Variants in RANBP9 observed in about 807,000 individuals in gnomAD.
The protein encoded by RANBP9 is RAN binding protein 9.
A neutral mutation model predicts 84.3 loss-of-function variants in RANBP9; 15 were observed. The observed-to-expected ratio is 0.18, with a 90% CI of 0.12 to 0.27. RANBP9 has a LOEUF of 0.27. Among genes scored for constraint, RANBP9 ranks in the 10% least tolerant of loss-of-function variants. The pLI, the probability that RANBP9 is intolerant of heterozygous loss-of-function variation, is 1.00. For synonymous variants in RANBP9, 392 were observed against 349.6 expected, an observed-to-expected ratio of 1.12 and a Z score of -1.35; for missense variants, 809 against 912.8, an observed-to-expected ratio of 0.89 and a Z score of 1.46.
chr6:13,688,142 T>C (rs929315188), intron 2 of RANBP9, among the ~76,000 whole-genome samples: 2 of 152,228 alleles, frequency 1.3e-5, no homozygotes, highest in African/African-American at 2.4e-5. Flanking sequence ...CACTATTATT[T>C]CCTTTTCACA....
chr6:13,641,151 A>G (rs1403480592), intron 8 of RANBP9, 48 bp downstream of exon 8: 1 of 1,134,028 alleles, frequency 8.8e-7, no homozygotes, highest in East Asian at 2.9e-5. Flanking sequence ...TAACTTGACA[A>G]ATATTTATAA....
chr6:13,628,012 C>CA (rs760019628), intron 12 of RANBP9, among the ~76,000 whole-genome samples: 26 of 152,264 alleles, frequency 1.7e-4, no homozygotes, highest in African/African-American at 6.3e-4. Flanking sequence ...TTTAAAAACT[C>CA]AGAGAAAAAG....
At chr6:13,697,023 T>C (rs1380568455) in intron 1 of RANBP9, 127 bp from the exon 2 acceptor site, 1 of 662,322 alleles carries the variant, frequency 1.5e-6, no homozygotes, top group African/African-American at 1.8e-5. Context: ...TCAGTTCAAA[T>C]ACTCAATAAA....
At chr6:13,655,733 G>A (rs1765382975) in intron 4 of RANBP9, among the ~76,000 whole-genome samples, 1 of 151,964 alleles carries the variant, frequency 6.6e-6, no homozygotes, top group African/African-American at 2.4e-5. Flanking sequence ...TGTATTTTTT[G>A]GTTTTTGAGC....
At position 13,667,023 on chromosome 6, in the gene RANBP9, C is replaced by G. The variant is rs183796184; in HGVS notation, c.684-8191G>C. Among the ~76,000 whole-genome samples, 3 of 152,196 alleles carry G rather than the reference C, an allele frequency of 2.0e-5. No individual in the cohort carries two copies. In the East Asian group the frequency reaches 5.8e-4, roughly 29 times the overall value. On this transcript the variant is annotated intron_variant, in intron 2 of 13. Coordinates refer to ENST00000011619, the MANE Select transcript of RANBP9 (RefSeq NM_005493.3). ...GCTATCTGACATATAAAAACAAACT[C>G]AATCCAACAGTGAGGGACAGGCAAA...
intron 2 of RANBP9, among the ~76,000 whole-genome samples, chr6:13,681,114 A>T (rs1401411207): frequency 6.6e-6 from 1 of 152,208 alleles, no homozygotes; most frequent in African/African-American, 2.4e-5. Flanking sequence ...CTACTGATAC[A>T]CTCAACTACC....
intron 1 of RANBP9, among the ~76,000 whole-genome samples, chr6:13,697,752 A>G (rs572478649): frequency 2.0e-5 from 3 of 152,328 alleles, no homozygotes; most frequent in Admixed American, 6.5e-5. Flanking sequence ...AAGAAGTTGA[A>G]GTAGCATGTC....
intron 4 of RANBP9, 35 bp downstream of exon 4, chr6:13,657,074 T>C (rs1448051020): frequency 6.6e-7 from 1 of 1,521,872 alleles, no homozygotes; most frequent in South Asian, 1.2e-5. Flanking sequence ...ATCTCCATAT[T>C]TGGTTATTTT....
rs765917564 is a variant in RANBP9 at position 13,710,927 on chromosome 6, C to T, written c.571+8G>A. 2.5e-6 allele frequency: 4 copies of T among 1,600,062 alleles called. No homozygotes were observed. In the East Asian group the frequency reaches 9.1e-5, roughly 36 times the overall value. On this transcript the variant is annotated splice_region_variant and intron_variant, in intron 1 of 13. Transcript: ENST00000011619. ...CCCCACTCCCACCGCAGGACACACGCCCAGTACCTTTGTAGTGCACCCGCA... is the reference window on the plus strand; with the variant it reads ...CCCCACTCCCACCGCAGGACACACGTCCAGTACCTTTGTAGTGCACCCGCA...
At chr6:13,699,588 C>T (rs1267833116) in intron 1 of RANBP9, among the ~76,000 whole-genome samples, 1 of 152,112 alleles carries the variant, frequency 6.6e-6, no homozygotes, top group Non-Finnish European at 1.5e-5. Flanking sequence ...TTGAGCCGGG[C>T]GTGGTGGCTC....
intron 2 of RANBP9, among the ~76,000 whole-genome samples, chr6:13,695,208 AC>A (rs984928390): frequency 2.0e-5 from 3 of 152,070 alleles, no homozygotes; most frequent in Non-Finnish European, 2.9e-5. Context: ...ATTACTAAGA[AC>A]CCTGACAACA....
At chr6:13,653,984 A>G (rs1305635863) in intron 4 of RANBP9, among the ~76,000 whole-genome samples, 1 of 152,090 alleles carries the variant, frequency 6.6e-6, no homozygotes, top group Non-Finnish European at 1.5e-5. Context: ...GAATATTTTA[A>G]TATACTATAA....
At chr6:13,688,593 C>A (rs139051967) in intron 2 of RANBP9, among the ~76,000 whole-genome samples, 1 of 152,130 alleles carries the variant, frequency 6.6e-6, no homozygotes, top group Non-Finnish European at 1.5e-5. Context: ...GTCTCCATCT[C>A]TGTCAATCCT....
chr6:13,709,085 A>G (rs1490809049), intron 1 of RANBP9, among the ~76,000 whole-genome samples: 1 of 152,268 alleles, frequency 6.6e-6, no homozygotes, highest in Non-Finnish European at 1.5e-5. Flanking sequence ...CAACTGAGAC[A>G]GCAGTGTCAG....
At position 13,696,871 on chromosome 6, in the gene RANBP9, G is replaced by A. The variant is rs777023849; in HGVS notation, c.597C>T (p.Ala199=). Residue 199 remains alanine, a synonymous_variant, in exon 2 of 14, where the codon GCC becomes GCT. Transcript: ENST00000011619. The part of the protein sequence containing the change: ...YKGHGKTPKD[A]ASVRATHPIP... ...TTGGATGCGTGGCTCGAACTGACGC[G>A]GCATCTTTTGGGGTTTTGCCATGAC... 17 of 1,612,704 alleles carry A rather than the reference G, an allele frequency of 1.1e-5. No homozygotes were observed. Among genetic ancestry groups the A allele is most frequent in the African/African-American group, 9.4e-5 (7 of 74,792 alleles).
chr6:13,626,637 T>C (rs1476401815), intron 12 of RANBP9, among the ~76,000 whole-genome samples: 6 of 152,182 alleles, frequency 3.9e-5, no homozygotes, highest in Non-Finnish European at 5.9e-5. Flanking sequence ...AATATAAAAA[T>C]AGAGAAATTC....
At chr6:13,681,347 T>C (rs1215966866) in intron 2 of RANBP9, among the ~76,000 whole-genome samples, 1 of 152,090 alleles carries the variant, frequency 6.6e-6, no homozygotes, top group Non-Finnish European at 1.5e-5. Flanking sequence ...GTTATGTAAT[T>C]CTATTTGTCA....
intron 1 of RANBP9, among the ~76,000 whole-genome samples, chr6:13,698,676 C>G (rs578199546): frequency 1.3e-5 from 2 of 152,282 alleles, no homozygotes; most frequent in African/African-American, 4.8e-5. Flanking sequence ...GTGTGAAAGG[C>G]ACTGCTCTAA....
At chr6:13,651,480 C>T (rs535558878) in intron 5 of RANBP9, among the ~76,000 whole-genome samples, 18 of 151,972 alleles carry the variant, frequency 1.2e-4, no homozygotes, top group Non-Finnish European at 1.9e-4. Context: ...CTGCAAGCTC[C>T]GCCTCCTGGG....
Sources: allele counts gnomAD v4.1 joint callset (sites outside exome capture counted in the v4.1 genomes callset), GRCh38; gene constraint gnomAD v4.1.1; transcripts MANE v1.5; gene names NCBI Gene and HGNC (gene_info 2026-07-23, HGNC 2026-07-21).